JAK1: variants seen among roughly 807,000 people sequenced by gnomAD.
JAK1 encodes Janus kinase 1.
A neutral mutation model predicts 136.6 loss-of-function variants in JAK1; 16 were observed. The observed-to-expected ratio is 0.12, with a 90% CI of 0.08 to 0.18. JAK1 has a LOEUF of 0.18. JAK1 is among the 10% of genes least tolerant of loss of function. The pLI is 1.00. For synonymous variants in JAK1, 492 were observed against 519.5 expected (o/e 0.95, Z 0.72); for missense variants, 859 against 1,450.1 (o/e 0.59, Z 6.62).
At chr1:65,067,626 C>T (rs992312250) in exon 1 of JAK1, 1 of 148,800 alleles carries the variant, frequency 6.7e-6, no homozygotes, top group Non-Finnish European at 1.5e-5. Context: ...GGGTCCCGGG[C>T]TCCCCTTCCT....
chr1:64,895,726 G>C (rs910867720), intron 1 of JAK1, among the ~76,000 whole-genome samples: 8 of 152,124 alleles, frequency 5.3e-5, no homozygotes, highest in Non-Finnish European at 8.8e-5. Flanking sequence ...CCATATAATG[G>C]TACCACAAAG....
chr1:64,955,322 ATG>A (rs1344993229), intron 1 of JAK1, among the ~76,000 whole-genome samples: 2 of 152,218 alleles, frequency 1.3e-5, no homozygotes, highest in Non-Finnish European at 2.9e-5. Context: ...CCAGGGGACT[ATG>A]TGTATACACA....
At chr1:64,927,222 C>G (rs11208540) in intron 1 of JAK1, among the ~76,000 whole-genome samples, 31,835 of 152,106 alleles carry the variant, frequency 0.21, 4,019 homozygotes, top group East Asian at 0.53. Context: ...CCCCTCCCCC[C>G]ACTCCCCAGG....
intron 1 of JAK1, among the ~76,000 whole-genome samples, chr1:64,949,988 A>G (rs757264458): frequency 6.6e-5 from 10 of 152,258 alleles, no homozygotes; most frequent in African/African-American, 1.2e-4. Flanking sequence ...ATAGAATAAA[A>G]AAGTTTAAGA....
intron 1 of JAK1, among the ~76,000 whole-genome samples, chr1:64,898,126 G>T (rs1197523814): frequency 6.6e-6 from 1 of 152,184 alleles, no homozygotes; most frequent in South Asian, 2.1e-4. Context: ...AGGTTTTCTT[G>T]TGTAAATCAT....
intron 2 of JAK1, among the ~76,000 whole-genome samples, chr1:64,997,680 G>T (rs1179162858): frequency 1.3e-5 from 2 of 152,188 alleles, no homozygotes; most frequent in Non-Finnish European, 2.9e-5. Flanking sequence ...GTTTATAATG[G>T]TTGCAGAGAA....
At chr1:64,916,065 G>A (rs748851924) in intron 1 of JAK1, among the ~76,000 whole-genome samples, 4 of 152,136 alleles carry the variant, frequency 2.6e-5, no homozygotes, top group Admixed American at 6.5e-5. Flanking sequence ...TCTTAGTGAC[G>A]TTCAAAGTTC....
intron 8 of JAK1, among the ~76,000 whole-genome samples, chr1:64,863,949 T>A (rs1344884935): frequency 6.6e-6 from 1 of 152,220 alleles, no homozygotes; most frequent in Admixed American, 6.5e-5. Context: ...AACAGAGGGA[T>A]ATATAAATAT....
intron 9 of JAK1, 111 bp downstream of exon 9, chr1:64,859,994 G>C (rs959006693): frequency 5.5e-6 from 5 of 906,896 alleles, no homozygotes; most frequent in African/African-American, 5.1e-5. Flanking sequence ...CAGCCAACAA[G>C]TACCAGGCAG....
At chr1:64,855,287 A>C (rs1292498329) in intron 11 of JAK1, among the ~76,000 whole-genome samples, 1 of 152,190 alleles carries the variant, frequency 6.6e-6, no homozygotes, top group Admixed American at 6.5e-5. Flanking sequence ...TCTGCAGCCT[A>C]ATGAGATGCT....
rs559697056 is a variant in JAK1 at position 64,905,750 on chromosome 1, G to A, written c.-77-19409C>T. On this transcript the variant is annotated intron_variant, in intron 1 of 24. Transcript: ENST00000342505. Reference sequence around the variant, plus strand: ...CTCCCTTACTCCTATATTTAGTCATGCAATTAAGCACTAAGTTGTTTTTGA... The same window carrying A: ...CTCCCTTACTCCTATATTTAGTCATACAATTAAGCACTAAGTTGTTTTTGA... 4.6e-5 allele frequency among the ~76,000 whole-genome samples: 7 copies of A among 152,268 alleles called. No homozygotes were observed. The South Asian group carries it at 1.5e-3, about 32-fold the overall frequency.
intron 20 of JAK1, among the ~76,000 whole-genome samples, 181 bp from the exon 21 acceptor site, chr1:64,838,770 T>C (rs746244901): frequency 3.9e-5 from 6 of 152,176 alleles, no homozygotes; most frequent in Non-Finnish European, 7.3e-5. Context: ...ATGGTAACAA[T>C]GGTGTACCTA....
chr1:64,962,701 G>C (rs368471804), intron 1 of JAK1, among the ~76,000 whole-genome samples: 21 of 152,276 alleles, frequency 1.4e-4, no homozygotes, highest in African/African-American at 5.1e-4. Flanking sequence ...AGCTGAGCAC[G>C]GGGGAGAGTA....
At chr1:64,880,876 G>C (rs1644760493) in intron 3 of JAK1, among the ~76,000 whole-genome samples, 1 of 152,284 alleles carries the variant, frequency 6.6e-6, no homozygotes, top group Non-Finnish European at 1.5e-5. Flanking sequence ...GAACCTGGGA[G>C]GTGGAGGTAG....
chr1:64,959,852 T>C (rs1261063661), intron 1 of JAK1, among the ~76,000 whole-genome samples: 1 of 152,196 alleles, frequency 6.6e-6, no homozygotes, highest in Non-Finnish European at 1.5e-5. Context: ...TATCTACTGG[T>C]GGCATCTTCC....
intron 2 of JAK1, chr1:64,973,678 T>C: frequency 6.9e-6 from 1 of 144,286 alleles, no homozygotes; most frequent in East Asian, 2.2e-4. Flanking sequence ...TCTTACAACC[T>C]ACCGCTGAAA....
chr1:65,030,071 T>G (rs1647009534), intron 2 of JAK1, among the ~76,000 whole-genome samples: 1 of 152,078 alleles, frequency 6.6e-6, no homozygotes, highest in Admixed American at 6.6e-5. Context: ...GGGAAGTAAT[T>G]AGGTTTAGCG....
chr1:65,026,041 G>T (rs1646975350), intron 2 of JAK1, among the ~76,000 whole-genome samples: 1 of 152,070 alleles, frequency 6.6e-6, no homozygotes, highest in Admixed American at 6.6e-5. Context: ...AGCATCATAG[G>T]TTGGTTCTAG....
chr1:65,055,760 G>A (rs1339041694), intron 1 of JAK1, among the ~76,000 whole-genome samples: 3 of 152,136 alleles, frequency 2.0e-5, no homozygotes, highest in Non-Finnish European at 4.4e-5. Context: ...GCAAGCTTCT[G>A]GAGCTCCTGC....
Sources: gnomAD v4.1 joint callset for allele counts (sites outside exome capture counted in the v4.1 genomes callset) on GRCh38, gnomAD v4.1.1 for gene constraint, MANE v1.5 for transcripts, NCBI Gene and HGNC (gene_info 2026-07-23, HGNC 2026-07-21) for gene names.